Variants in AADACL2 observed in about 807,000 individuals in gnomAD.
The protein encoded by AADACL2 is arylacetamide deacetylase-like 2.
Under a neutral mutation model 22.3 loss-of-function variants are expected in AADACL2, and 23 were observed. The observed-to-expected ratio is 1.03, with a 90% CI of 0.74 to 1.46. The LOEUF is 1.46. AADACL2 is among the 40% of genes most tolerant of loss of function. AADACL2 has a pLI of 0.00. For missense variants in AADACL2, 472 were observed against 482.9 expected, an observed-to-expected ratio of 0.98 and a Z score of 0.21; for synonymous variants, 177 against 166.2, an observed-to-expected ratio of 1.07 and a Z score of -0.50.
rs777350667 is a variant in AADACL2, at chr3:151,757,629, G to A, written c.*35G>A. Reference sequence around the variant, plus strand: ...GTGTATGTATAGCCCTTACATAGTGGATTGTAATTTGTGATATTTTGTGGT... The same window carrying A: ...GTGTATGTATAGCCCTTACATAGTGAATTGTAATTTGTGATATTTTGTGGT... On this transcript the variant is annotated 3_prime_UTR_variant, in exon 5 of 5. Transcript: ENST00000356517. 1.8e-5 allele frequency: 28 copies of A among 1,538,940 alleles called. No homozygotes were observed. In the South Asian group the frequency reaches 3.5e-4, roughly 19 times the overall value.
intron 1 of AADACL2, 67 bp downstream of exon 1, chr3:151,734,240 T>C (rs1180696475): frequency 2.0e-6 from 3 of 1,510,778 alleles, no homozygotes; most frequent in Non-Finnish European, 2.7e-6. Flanking sequence ...TGGGTGCTTA[T>C]GAACTCTTTT....
chr3:151,735,545 G>A (rs1402454857), intron 1 of AADACL2, among the ~76,000 whole-genome samples: 3 of 152,212 alleles, frequency 2.0e-5, no homozygotes, highest in Non-Finnish European at 4.4e-5. Flanking sequence ...ATCACCTGAG[G>A]CTAGGAGTTC....
rs986395622 is a variant in AADACL2, at chr3:151,740,616, T to C, written c.139-30T>C. On this transcript the variant is annotated intron_variant, in intron 1 of 4. Transcript: ENST00000356517. ...ATTTGGTGTTATTTAAATATCTAAA[T>C]ATTTAATTTTGTTTGTTTTGTTCTT... is the stretch of plus-strand genomic sequence containing the variant. 7.0e-6 allele frequency: 10 copies of C among 1,423,646 alleles called. No individual in the cohort carries two copies. The African/African-American group carries it at 1.4e-4, about 21-fold the overall frequency. The allele number at this position is 1,423,646 out of a possible 1,614,324, so 88.2% of individuals were successfully genotyped here.
At chr3:151,743,559 T>C (rs1713346190) in intron 2 of AADACL2, among the ~76,000 whole-genome samples, 1 of 152,220 alleles carries the variant, frequency 6.6e-6, no homozygotes. Context: ...CCTTAGACTC[T>C]GTCTTAATGC....
intron 4 of AADACL2, among the ~76,000 whole-genome samples, chr3:151,750,559 A>C (rs1268863206): frequency 6.6e-6 from 1 of 152,104 alleles, no homozygotes. Context: ...TCTATTTAAA[A>C]AAAAAAGATG....
Position 151,750,200 on chromosome 3 carries a change from C to G in AADACL2, c.603+4520C>G. 1.3e-5 allele frequency among the ~76,000 whole-genome samples: 2 copies of G among 152,130 alleles called. 1 individual carries two copies. On this transcript the variant is annotated intron_variant, in intron 4 of 4. Coordinates refer to ENST00000356517, the MANE Select transcript of AADACL2 (RefSeq NM_207365.4). ...ATCCCACTTGAACATGGTGTATGAT[C>G]CTTTTAATGTGCTGTTGAATTCGGT...
chr3:151,736,408 C>A (rs765153156), intron 1 of AADACL2, among the ~76,000 whole-genome samples: 1 of 150,850 alleles, frequency 6.6e-6, no homozygotes, highest in Non-Finnish European at 1.5e-5. Context: ...CTGCACCTAT[C>A]AACTCGTCAT....
At chr3:151,756,728 CTT>C (rs1268326279) in intron 4 of AADACL2, among the ~76,000 whole-genome samples, 1 of 76,582 alleles carries the variant, frequency 1.3e-5, no homozygotes, top group Non-Finnish European at 2.9e-5. Flanking sequence ...TGTACATTCT[CTT>C]TCTGTCTCTT....
chr3:151,740,632 T>C lies in AADACL2; in HGVS notation c.139-14T>C, dbSNP rs755581658. The C allele has an allele frequency of 2.6e-6, 4 of 1,537,360 alleles. No homozygotes were observed. In the East Asian group the frequency reaches 9.1e-5, roughly 35 times the overall value. On this transcript the variant is annotated splice_polypyrimidine_tract_variant and intron_variant, in intron 1 of 4. Transcript: ENST00000356517. ...ATATCTAAATATTTAATTTTGTTTG[T>C]TTTGTTCTTACAGGCTATGTGTTTT...
intron 4 of AADACL2, among the ~76,000 whole-genome samples, chr3:151,753,723 T>G (rs1713764709): frequency 6.6e-6 from 1 of 152,080 alleles, no homozygotes; most frequent in Non-Finnish European, 1.5e-5. Context: ...CAAGTTAATA[T>G]TTTGTCTACA....
intron 4 of AADACL2, among the ~76,000 whole-genome samples, chr3:151,754,023 A>G (rs914332968): frequency 6.6e-6 from 1 of 152,122 alleles, no homozygotes; most frequent in Non-Finnish European, 1.5e-5. Flanking sequence ...AGTTGACTTT[A>G]TGCCAAGTGC....
At chr3:151,734,861 A>G (rs990463688) in intron 1 of AADACL2, among the ~76,000 whole-genome samples, 2 of 152,228 alleles carry the variant, frequency 1.3e-5, no homozygotes, top group African/African-American at 4.8e-5. Flanking sequence ...GCAGGTAAAA[A>G]GTAACAACTC....
intron 1 of AADACL2, among the ~76,000 whole-genome samples, chr3:151,740,134 C>G (rs1850950): frequency 0.68 from 102,951 of 152,170 alleles, 34,940 homozygotes; most frequent in South Asian, 0.75. Context: ...CAGGGCCCTG[C>G]TGTAGGCACA....
chr3:151,741,218 T>C (rs1348006299), intron 2 of AADACL2, among the ~76,000 whole-genome samples: 2 of 152,182 alleles, frequency 1.3e-5, no homozygotes, highest in African/African-American at 4.8e-5. Context: ...GATGCAGATG[T>C]TTTAATTAAC....
rs1309769318 is a variant in AADACL2 at position 151,745,616 on chromosome 3, C to A, written c.539C>A (p.Pro180His). 1 of 1,613,384 alleles carries A rather than the reference C, an allele frequency of 6.2e-7. No individual in the cohort carries two copies. The change falls in exon 4 of 5, where the codon CCC (proline) becomes CAC (histidine). Residue 180 changes from proline (P) to histidine (H), a missense_variant. Pro to His is a moderately conservative substitution (Grantham distance 77). This residue lies in a region of AADACL2 where 356 missense variants were observed against 365.5 expected (regional missense o/e 0.97). Coordinates refer to ENST00000356517, the MANE Select transcript of AADACL2 (RefSeq NM_207365.4). ...EKILTKYGVD[P>H]TRICIAGDSS... ...ATTCTTACAAAATATGGAGTGGATC[C>A]CACCCGAATCTGCATTGCGGGAGAC... is the stretch of plus-strand genomic sequence containing the variant.
At position 151,758,635 on chromosome 3, in the gene AADACL2, A is replaced by G. The variant is rs1714041759; in HGVS notation, c.*1041A>G. ...AAAAGCTTCTCCAAAAAACTTTCAA[A>G]TATATCATCTCAAATTACCTAAAGA... On this transcript the variant is annotated 3_prime_UTR_variant, in exon 5 of 5. Coordinates refer to ENST00000356517, the MANE Select transcript of AADACL2 (RefSeq NM_207365.4). 6.6e-6 allele frequency: 1 copy of G among 152,138 alleles called. No individual in the cohort carries two copies. Among genetic ancestry groups the G allele is most frequent in the Admixed American group, 6.6e-5 (1 of 15,258 alleles). 9.4% of individuals were successfully genotyped at this position (152,138 alleles called of 1,614,324 possible). A position where few individuals can be genotyped will look rare whatever the true frequency, so the allele number is the denominator to read the frequency against.
At position 151,740,878 on chromosome 3, in the gene AADACL2, T is replaced by A. The variant is rs757704608; in HGVS notation, c.361+10T>A. On this transcript the variant is annotated intron_variant, in intron 2 of 4. Coordinates refer to ENST00000356517, the MANE Select transcript of AADACL2 (RefSeq NM_207365.4). ...TGTTTTGGAAGTTCCAGTAAGTTCA[T>A]TGTATAAGGAAAAAGTGTAGCTAGC... The A allele has an allele frequency of 3.7e-6, 6 of 1,612,070 alleles. No individual in the cohort carries two copies. The South Asian group carries it at 4.4e-5, about 12-fold the overall frequency.
chr3:151,734,629 T>C (rs1178730147), intron 1 of AADACL2, among the ~76,000 whole-genome samples: 1 of 152,126 alleles, frequency 6.6e-6, no homozygotes, highest in African/African-American at 2.4e-5. Flanking sequence ...CAATTCTAAA[T>C]TGCTGGTTTT....
In AADACL2 at chr3:151,759,221, T is replaced by C. The variant is rs890578201; in HGVS notation, c.*1627T>C. 2.0e-5 allele frequency: 3 copies of C among 152,146 alleles called. No homozygotes were observed. The highest frequency in any genetic ancestry group is 4.4e-5 in the Non-Finnish European group (3 of 67,992). The allele number at this position is 152,146 out of a possible 1,614,324, so 9.4% of individuals were successfully genotyped here. Reference sequence around the variant, plus strand: ...GATTTAATCTCCTGTAAACTTGATATATTTTAAAATTTGTAATTTGTTTTT... The same window carrying C: ...GATTTAATCTCCTGTAAACTTGATACATTTTAAAATTTGTAATTTGTTTTT... On this transcript the variant is annotated 3_prime_UTR_variant, in exon 5 of 5. Coordinates refer to ENST00000356517, the MANE Select transcript of AADACL2 (RefSeq NM_207365.4).
Sources: allele counts gnomAD v4.1 joint callset (sites outside exome capture counted in the v4.1 genomes callset), GRCh38; gene constraint gnomAD v4.1.1; regional missense constraint gnomAD v4.1.1; transcripts MANE v1.5; gene names NCBI Gene and HGNC (gene_info 2026-07-23, HGNC 2026-07-21).